Variants in RUNX1 observed in about 807,000 individuals in gnomAD.
RUNX1 encodes RUNX family transcription factor 1.
In RUNX1, 19 loss-of-function variants were observed where a neutral mutation model predicts 42.8. The ratio of observed to expected loss-of-function variants is 0.44; its 90% CI spans 0.31 to 0.65. RUNX1 has a LOEUF of 0.65. Ranked by LOEUF, RUNX1 falls within the 30% of genes least tolerant of loss-of-function variation. The pLI is 0.07. For missense variants in RUNX1, 528 were observed against 672.0 expected (o/e 0.79, Z 2.37); for synonymous variants, 271 against 289.4 (o/e 0.94, Z 0.64).
At chr21:34,878,677 A>C (rs2146348238) in intron 5 of RUNX1, among the ~76,000 whole-genome samples, 1 of 152,292 alleles carries the variant, frequency 6.6e-6, no homozygotes, top group Non-Finnish European at 1.5e-5. Context: ...CACCTTGGGG[A>C]AACAGTTCAC....
At chr21:35,001,034 T>C (rs1349918233) in intron 2 of RUNX1, among the ~76,000 whole-genome samples, 3 of 152,216 alleles carry the variant, frequency 2.0e-5, no homozygotes, top group Non-Finnish European at 4.4e-5. Flanking sequence ...TTTCTTACGC[T>C]GAAGAACATG....
At chr21:34,834,723 C>T (rs923290370) in intron 6 of RUNX1, 122 bp from the exon 7 acceptor site, 3 of 839,260 alleles carry the variant, frequency 3.6e-6, no homozygotes, top group Non-Finnish European at 5.7e-6. Context: ...TCTCTCTCCC[C>T]TCACCCCAAC....
chr21:35,045,540 G>T (rs1016683258), intron 2 of RUNX1, among the ~76,000 whole-genome samples: 4 of 152,040 alleles, frequency 2.6e-5, no homozygotes, highest in African/African-American at 7.2e-5. Context: ...ACACACAGAG[G>T]GATAACCATG....
At position 34,792,614 on chromosome 21, in the gene RUNX1, C is replaced by T. The variant is rs1421551083; in HGVS notation, c.968-4G>A. On this transcript the variant is annotated splice_region_variant and splice_polypyrimidine_tract_variant and intron_variant, in intron 8 of 8. Transcript: ENST00000675419. The surrounding 1 kb of genome is among the most constrained non-coding windows in gnomAD (Gnocchi z 6.9). The stretch of plus-strand genomic sequence containing the variant: ...AACGCTGTCAGGTCGGGTGCCGCTG[C>T]AGGGCGGGCAAGAGAACGGAGCGGA... 1.3e-6 allele frequency: 2 copies of T among 1,580,370 alleles called. No homozygotes were observed. Among genetic ancestry groups the T allele is most frequent in the African/African-American group, 1.3e-5 (1 of 74,292 alleles).
At chr21:34,862,431 C>G (rs1282948846) in intron 5 of RUNX1, among the ~76,000 whole-genome samples, 2 of 152,218 alleles carry the variant, frequency 1.3e-5, no homozygotes, top group Non-Finnish European at 2.9e-5. Context: ...AATAAATTAT[C>G]ACAAACTGGG....
chr21:34,792,529 G>T lies in RUNX1; in HGVS notation c.1049C>A (p.Pro350Gln). 6.2e-7 allele frequency: 1 copy of T among 1,606,246 alleles called. No homozygotes were observed. The highest frequency in any genetic ancestry group is 8.5e-7 in the Non-Finnish European group (1 of 1,176,516). ...PSISDPRMHY[P>Q]GAFTYSPTPV... The stretch of plus-strand genomic sequence containing the variant: ...CGTCGGGGAGTAGGTGAAGGCGCCT[G>T]GATAGTGCATGCGGGGGTCGGAGAT... Residue 350 changes from proline to glutamine, a missense_variant, in exon 9 of 9, where the codon CCA becomes CAA. Physicochemically the swap from Pro to Gln is moderately conservative, Grantham distance 76. Coordinates refer to ENST00000675419, the MANE Select transcript of RUNX1 (RefSeq NM_001754.5). This position sits in a 1 kb window ranked among gnomAD's most constrained non-coding sequence, Gnocchi z 6.9.
intron 2 of RUNX1, among the ~76,000 whole-genome samples, chr21:35,033,242 T>C (rs1449653605): frequency 6.6e-6 from 1 of 152,218 alleles, no homozygotes; most frequent in Admixed American, 6.5e-5. Context: ...GTAAGTGACA[T>C]ATGAGCCATC....
chr21:34,991,795 C>G (rs1334812821), intron 2 of RUNX1, among the ~76,000 whole-genome samples: 1 of 152,076 alleles, frequency 6.6e-6, no homozygotes, highest in Non-Finnish European at 1.5e-5. Flanking sequence ...GAAGAAGTAA[C>G]TGGTTAAGAC....
intron 7 of RUNX1, among the ~76,000 whole-genome samples, chr21:34,814,281 G>A (rs577297246): frequency 8.6e-4 from 131 of 152,266 alleles, no homozygotes; most frequent in Middle Eastern, 3.4e-3. Flanking sequence ...ATTAGGGATG[G>A]AAGTTACCAT....
chr21:34,800,118 C>A (rs1189702532), intron 7 of RUNX1, among the ~76,000 whole-genome samples: 1 of 152,112 alleles, frequency 6.6e-6, no homozygotes, highest in South Asian at 2.1e-4. Context: ...TTCAGGACTT[C>A]GAGTTTGCAA....
At chr21:35,038,497 A>G in intron 2 of RUNX1, 1 of 454,838 alleles carries the variant, frequency 2.2e-6, no homozygotes, top group African/African-American at 2.0e-5. Flanking sequence ...CACCTAGAGA[A>G]AGCTTCCTTG....
chr21:34,805,773 TAA>T (rs1460613260), intron 7 of RUNX1, among the ~76,000 whole-genome samples: 2 of 152,310 alleles, frequency 1.3e-5, no homozygotes, highest in Admixed American at 6.5e-5. Flanking sequence ...AAGGTAAAAT[TAA>T]GTTTTATTTT....
At chr21:34,853,551 A>G (rs922236796) in intron 6 of RUNX1, among the ~76,000 whole-genome samples, 1 of 152,212 alleles carries the variant, frequency 6.6e-6, no homozygotes, top group Non-Finnish European at 1.5e-5. Context: ...GACTTTGGGC[A>G]AGGTATACGA....
chr21:35,047,299 C>T (rs974497842), intron 2 of RUNX1, among the ~76,000 whole-genome samples: 1 of 151,930 alleles, frequency 6.6e-6, no homozygotes, highest in African/African-American at 2.4e-5. Flanking sequence ...GCCAGGGAGC[C>T]GTTTGCAGCT....
At chr21:34,828,539 G>T (rs1373584791) in intron 7 of RUNX1, among the ~76,000 whole-genome samples, 1 of 152,188 alleles carries the variant, frequency 6.6e-6, no homozygotes, top group African/African-American at 2.4e-5. Context: ...TTTTTAAAAT[G>T]AGAATCACAT....
chr21:34,913,041 G>C (rs1265295101), intron 2 of RUNX1, among the ~76,000 whole-genome samples: 1 of 152,202 alleles, frequency 6.6e-6, no homozygotes, highest in Non-Finnish European at 1.5e-5. Flanking sequence ...AACCAGCCTG[G>C]TCAACATAGT....
chr21:34,813,035 T>C (rs2056777854), intron 7 of RUNX1, among the ~76,000 whole-genome samples: 1 of 152,156 alleles, frequency 6.6e-6, no homozygotes, highest in South Asian at 2.1e-4. Flanking sequence ...ATCCTGTGTA[T>C]ATTGACTAGA....
chr21:34,963,860 G>C (rs140279401), intron 2 of RUNX1, among the ~76,000 whole-genome samples: 11 of 152,340 alleles, frequency 7.2e-5, no homozygotes, highest in African/African-American at 2.6e-4. Context: ...GGGCCTGACT[G>C]TCAGGTACAA....
At chr21:34,988,037 G>A (rs2058905492) in intron 2 of RUNX1, among the ~76,000 whole-genome samples, 1 of 152,178 alleles carries the variant, frequency 6.6e-6, no homozygotes, top group Admixed American at 6.5e-5. Context: ...GGGGCTCAGA[G>A]GAGTTGCTGT....
Sources: allele counts gnomAD v4.1 joint callset (sites outside exome capture counted in the v4.1 genomes callset), GRCh38; gene constraint gnomAD v4.1.1; non-coding constraint Gnocchi (gnomAD v3.1); transcripts MANE v1.5; gene names NCBI Gene and HGNC (gene_info 2026-07-23, HGNC 2026-07-21).